Variants in AKAP13 observed in about 807,000 individuals in gnomAD.
AKAP13 encodes the protein A-kinase anchor protein 13.
Under a neutral mutation model 264.5 loss-of-function variants are expected in AKAP13, and 80 were observed. The observed-to-expected ratio is 0.30, with a 90% CI of 0.25 to 0.36. AKAP13 has a LOEUF of 0.36. Ranked by LOEUF, AKAP13 falls within the 10% of genes least tolerant of loss-of-function variation. AKAP13 has a pLI of 1.00. For synonymous variants in AKAP13, 1,380 were observed against 1,250.2 expected (o/e 1.10, Z -2.19); for missense variants, 3,712 against 3,435.2 (o/e 1.08, Z -2.01).
At position 85,673,666 on chromosome 15, in the gene AKAP13, C is replaced by CTTTTTTTT. The variant is rs386383664; in HGVS notation, c.5101+3855_5101+3862dup. ...TTACAGATGATCCCTTTCTTTCTTT[C>CTTTTTTTT]TTTTTTTTTTTTTTTTTTTTTTTTT... On this transcript the variant is annotated intron_variant, in intron 14 of 36. Transcript: ENST00000394518. 3.5e-3 allele frequency among the ~76,000 whole-genome samples: 275 copies of CTTTTTTTT among 77,554 alleles called. 25 individuals are homozygous for CTTTTTTTT. The highest frequency in any genetic ancestry group is 9.7e-3 in the African/African-American group (173 of 17,842). The allele number at this position is 77,554 out of a possible 152,430, so 50.9% of individuals were successfully genotyped here. A position where few individuals can be genotyped will look rare whatever the true frequency, so the allele number is the denominator to read the frequency against.
intron 9 of AKAP13, among the ~76,000 whole-genome samples, chr15:85,641,075 G>A (rs2082285958): frequency 6.6e-6 from 1 of 152,112 alleles, no homozygotes; most frequent in Non-Finnish European, 1.5e-5. Flanking sequence ...GTGAATCCCA[G>A]GTACTTTGTT....
intron 1 of AKAP13, among the ~76,000 whole-genome samples, chr15:85,391,079 C>T (rs2070831463): frequency 6.6e-6 from 1 of 152,070 alleles, no homozygotes. Context: ...ATAATAGGGG[C>T]TCATGGCATA....
intron 8 of AKAP13, among the ~76,000 whole-genome samples, chr15:85,599,712 T>A (rs2079969522): frequency 6.6e-6 from 1 of 152,084 alleles, no homozygotes; most frequent in South Asian, 2.1e-4. Context: ...AGGGGTTAAA[T>A]AAAAACAAAA....
At chr15:85,650,048 C>G (rs767251111) in intron 10 of AKAP13, among the ~76,000 whole-genome samples, 1 of 152,012 alleles carries the variant, frequency 6.6e-6, no homozygotes, top group Non-Finnish European at 1.5e-5. Flanking sequence ...AGGGAACATC[C>G]TTCTTTCATG....
Position 85,473,726 on chromosome 15 carries a change from G to A in AKAP13, c.-11-11984G>A, listed in dbSNP as rs530572265. Among the ~76,000 whole-genome samples, 4 of 152,328 alleles carry A rather than the reference G, an allele frequency of 2.6e-5. No homozygotes were observed. The East Asian group carries it at 7.7e-4, about 29-fold the overall frequency. ...TGGTCATAGTAAGAGGGTCATGAGA[G>A]GGGAGGGAGGTGAAGCCCAACCTCT... On this transcript the variant is annotated intron_variant, in intron 1 of 36. Transcript: ENST00000394518.
At position 85,498,201 on chromosome 15, in the gene AKAP13, T is replaced by TATAG. The variant is rs1186239189; in HGVS notation, c.33+12451_33+12452insGATA. On this transcript the variant is annotated intron_variant, in intron 2 of 36. Transcript: ENST00000394518. ...GTAGTAAGGATTAAATGAAGTGAGATATATATATATATATATATATATATA... is the reference window on the plus strand; with the variant it reads ...GTAGTAAGGATTAAATGAAGTGAGATATAGATATATATATATATATATATATATA... Among the ~76,000 whole-genome samples, 7 of 12,596 alleles carry TATAG rather than the reference T, an allele frequency of 5.6e-4. 1 individual carries two copies. The highest frequency in any genetic ancestry group is 1.6e-3 in the East Asian group (3 of 1,922). 8.3% of individuals were successfully genotyped at this position (12,596 alleles called of 152,430 possible).
chr15:85,736,912 C>CTTTT (rs11407996), intron 33 of AKAP13, among the ~76,000 whole-genome samples: 120 of 97,990 alleles, frequency 1.2e-3, no homozygotes, highest in African/African-American at 1.7e-3. Context: ...ATATCATCAT[C>CTTTT]TTTTTTTTTT....
At chr15:85,686,216 A>G (rs2084917998) in intron 16 of AKAP13, among the ~76,000 whole-genome samples, 2 of 151,944 alleles carry the variant, frequency 1.3e-5, no homozygotes, top group Admixed American at 6.6e-5. Flanking sequence ...TGGTATATAC[A>G]TGTACATACA....
intron 30 of AKAP13, among the ~76,000 whole-genome samples, chr15:85,732,823 T>C (rs1157574604): frequency 6.6e-6 from 1 of 151,160 alleles, no homozygotes; most frequent in Non-Finnish European, 1.5e-5. Context: ...ACTAATTTAC[T>C]AATTACTATT....
chr15:85,432,271 A>G (rs1227138479), intron 1 of AKAP13, among the ~76,000 whole-genome samples: 3 of 151,986 alleles, frequency 2.0e-5, no homozygotes, highest in East Asian at 1.9e-4. Context: ...TTTTCCTTCA[A>G]TGAGGGGAAA....
intron 8 of AKAP13, among the ~76,000 whole-genome samples, chr15:85,604,587 C>A (rs1474544538): frequency 6.6e-6 from 1 of 151,962 alleles, no homozygotes; most frequent in African/African-American, 2.4e-5. Flanking sequence ...CCTCAGCCTC[C>A]CAAGTAGCTA....
At chr15:85,741,697 TAAAA>T (rs56782497) in intron 35 of AKAP13, among the ~76,000 whole-genome samples, 23 of 106,320 alleles carry the variant, frequency 2.2e-4, no homozygotes, top group African/African-American at 6.0e-4. Flanking sequence ...CTGTCTCTCC[TAAAA>T]AAAAAAAAAA....
At chr15:85,506,245 C>G (rs2076218304) in intron 2 of AKAP13, among the ~76,000 whole-genome samples, 1 of 152,130 alleles carries the variant, frequency 6.6e-6, no homozygotes, top group Non-Finnish European at 1.5e-5. Flanking sequence ...GATTGTGCCA[C>G]TGCACTCCAG....
Position 85,709,384 on chromosome 15 carries a change from G to A in AKAP13, c.5533-1195G>A, listed in dbSNP as rs776912494. Among the ~76,000 whole-genome samples the A allele has an allele frequency of 2.0e-5, 3 of 152,284 alleles. No homozygotes were observed. The South Asian group carries it at 6.2e-4, about 32-fold the overall frequency. The stretch of plus-strand genomic sequence containing the variant: ...CTGAGGGCAGGAGTTGGCTCCATCA[G>A]TGGCGCCTGAGCACCTCACAGGGAG... On this transcript the variant is annotated intron_variant, in intron 18 of 36. Coordinates refer to ENST00000394518, the MANE Select transcript of AKAP13 (RefSeq NM_007200.5).
At chr15:85,437,083 A>G (rs1234141559) in intron 1 of AKAP13, among the ~76,000 whole-genome samples, 1 of 147,598 alleles carries the variant, frequency 6.8e-6, no homozygotes, top group Non-Finnish European at 1.5e-5. Context: ...CAAGACTAAT[A>G]AAGAAAAAAA....
chr15:85,596,394 C>T (rs1372474816), intron 8 of AKAP13, among the ~76,000 whole-genome samples: 1 of 152,024 alleles, frequency 6.6e-6, no homozygotes, highest in Non-Finnish European at 1.5e-5. Context: ...TTGCTTGAGC[C>T]TAGGAGTTCG....
At chr15:85,432,902 C>T (rs2073085018) in intron 1 of AKAP13, among the ~76,000 whole-genome samples, 1 of 151,870 alleles carries the variant, frequency 6.6e-6, no homozygotes, top group Non-Finnish European at 1.5e-5. Context: ...CCTTTCTCTG[C>T]CACCTCCCAG....
chr15:85,556,260 A>C (rs897893828), intron 5 of AKAP13, among the ~76,000 whole-genome samples: 2 of 152,232 alleles, frequency 1.3e-5, no homozygotes, highest in African/African-American at 2.4e-5. Context: ...TATCGCTATC[A>C]AATATGTACC....
intron 30 of AKAP13, among the ~76,000 whole-genome samples, chr15:85,732,228 G>A (rs1430621037): frequency 6.6e-6 from 1 of 152,098 alleles, no homozygotes; most frequent in Admixed American, 6.6e-5. Context: ...AGAGCTACTG[G>A]TATAGTAAGT....
Sources: gnomAD v4.1 joint callset for allele counts (sites outside exome capture counted in the v4.1 genomes callset) on GRCh38, gnomAD v4.1.1 for gene constraint, MANE v1.5 for transcripts, NCBI Gene and HGNC (gene_info 2026-07-23, HGNC 2026-07-21) for gene names.